Variants in SLC35F3 observed in about 807,000 individuals in gnomAD.
SLC35F3 encodes putative thiamine transporter SLC35F3.
SLC35F3 carries 25 observed loss-of-function variants against 49.9 expected under a neutral mutation model. The observed-to-expected ratio is 0.50, with a 90% CI of 0.37 to 0.70. The LOEUF (loss-of-function observed/expected upper bound fraction) is 0.70. Among genes scored for constraint, SLC35F3 ranks in the 30% least tolerant of loss-of-function variants. The pLI is 0.00. For missense variants in SLC35F3, 525 were observed against 639.8 expected (o/e 0.82, Z 1.94); for synonymous variants, 275 against 265.4 (o/e 1.04, Z -0.35).
intron 2 of SLC35F3, among the ~76,000 whole-genome samples, chr1:233,967,393 A>T (rs1379157018): frequency 6.6e-6 from 1 of 152,204 alleles, no homozygotes; most frequent in Non-Finnish European, 1.5e-5. Flanking sequence ...ATAAGAATTA[A>T]TTTTTAGCTA....
Position 233,955,978 on chromosome 1 carries a change from C to T in SLC35F3, c.283+50220C>T, listed in dbSNP as rs950445774. ...TCTCGGCTCACTGCAACTTCCACCT[C>T]CTGGGTTCAGGCTATTCTTCTGCCT... is the stretch of plus-strand genomic sequence containing the variant. On this transcript the variant is annotated intron_variant, in intron 2 of 7. Transcript: ENST00000366618. 2.7e-5 allele frequency among the ~76,000 whole-genome samples: 4 copies of T among 147,686 alleles called. 1 individual carries two copies. The South Asian group carries it at 8.7e-4, about 32-fold the overall frequency.
At chr1:233,932,095 G>A (rs977759911) in intron 2 of SLC35F3, among the ~76,000 whole-genome samples, 3 of 151,900 alleles carry the variant, frequency 2.0e-5, no homozygotes, top group African/African-American at 7.3e-5. Context: ...GGAACAATGA[G>A]AACACATGGA....
intron 3 of SLC35F3, among the ~76,000 whole-genome samples, chr1:234,287,882 T>C (rs1668447205): frequency 1.3e-5 from 2 of 152,224 alleles, no homozygotes; most frequent in African/African-American, 4.8e-5. Flanking sequence ...GAACTTGGAA[T>C]TGGTGGCGAA....
At position 234,320,330 on chromosome 1, in the gene SLC35F3, A is replaced by C; in HGVS notation, c.1237+143A>C. ...CACTCATGCATACACACACACACAC[A>C]TACTCTCACATACATACTCACATAT... On this transcript the variant is annotated intron_variant, in intron 7 of 7. Transcript: ENST00000366618. The surrounding 1 kb of genome is among the most constrained non-coding windows in gnomAD (Gnocchi z 4.8). 1.6e-6 allele frequency: 1 copy of C among 630,168 alleles called. No individual in the cohort carries two copies. Among genetic ancestry groups the C allele is most frequent in the Non-Finnish European group, 2.9e-6 (1 of 344,988 alleles). The allele number at this position is 630,168 out of a possible 1,614,324, so 39.0% of individuals were successfully genotyped here.
intron 2 of SLC35F3, among the ~76,000 whole-genome samples, chr1:233,924,577 A>G (rs897377820): frequency 3.3e-5 from 5 of 152,172 alleles, no homozygotes; most frequent in African/African-American, 7.2e-5. Flanking sequence ...TCTTTTCAAA[A>G]AACCAGCTGT....
intron 2 of SLC35F3, among the ~76,000 whole-genome samples, chr1:234,032,313 T>G (rs1164796267): frequency 6.6e-6 from 1 of 152,182 alleles, no homozygotes; most frequent in Non-Finnish European, 1.5e-5. Context: ...ATTATTGCTA[T>G]TCTTTCATGA....
At chr1:234,247,430 G>T (rs544176525) in intron 3 of SLC35F3, among the ~76,000 whole-genome samples, 1 of 152,180 alleles carries the variant, frequency 6.6e-6, no homozygotes, top group Non-Finnish European at 1.5e-5. Flanking sequence ...TGGGTTGGTT[G>T]GTTGGTCCAT....
chr1:234,116,219 G>A (rs1665484200), intron 2 of SLC35F3, among the ~76,000 whole-genome samples: 1 of 152,122 alleles, frequency 6.6e-6, no homozygotes, highest in Admixed American at 6.5e-5. Flanking sequence ...GGAGCAAAAG[G>A]GAAAGCAATT....
intron 2 of SLC35F3, among the ~76,000 whole-genome samples, chr1:234,166,268 C>T (rs543852449): frequency 6.6e-6 from 1 of 152,274 alleles, no homozygotes; most frequent in African/African-American, 2.4e-5. Context: ...CAACATCCCC[C>T]ACCAGAGCGG....
In SLC35F3 at chr1:234,318,899, A is replaced by T; in HGVS notation, c.1103A>T (p.Asp368Val). The change falls in exon 6 of 8, where the codon GAC (aspartate) becomes GTC (valine). Residue 368 changes from aspartate to valine, a missense_variant. Transcript: ENST00000366618. ...TKVEYWSSFD[D>V]IPWGNLCGFS... ...GTGGAATACTGGAGCTCTTTTGATG[A>T]CATTCCATGGGGAAACCTTTGTGGA... 2 of 1,614,080 alleles carry T rather than the reference A, an allele frequency of 1.2e-6. No homozygotes were observed. Among genetic ancestry groups the T allele is most frequent in the Non-Finnish European group, 1.7e-6 (2 of 1,180,002 alleles).
chr1:234,161,204 CTTG>C (rs1365375013), intron 2 of SLC35F3, among the ~76,000 whole-genome samples: 2 of 152,166 alleles, frequency 1.3e-5, no homozygotes, highest in South Asian at 2.1e-4. Context: ...AGTGTTTTCA[CTTG>C]TTGTCTCACT....
intron 3 of SLC35F3, among the ~76,000 whole-genome samples, chr1:234,246,288 C>G (rs1667629878): frequency 1.3e-5 from 2 of 152,134 alleles, no homozygotes; most frequent in East Asian, 3.9e-4. Context: ...AATCAGGACC[C>G]TGATTTACCC....
intron 3 of SLC35F3, among the ~76,000 whole-genome samples, chr1:234,239,251 A>C (rs1667517567): frequency 1.3e-5 from 2 of 152,330 alleles, no homozygotes; most frequent in South Asian, 4.1e-4. Context: ...AGGATCAGTT[A>C]ATCTTTGTGC....
At chr1:233,969,417 C>T (rs1014572760) in intron 2 of SLC35F3, among the ~76,000 whole-genome samples, 6 of 152,280 alleles carry the variant, frequency 3.9e-5, no homozygotes, top group Admixed American at 2.0e-4. Flanking sequence ...CTCATCTTAG[C>T]GCCTCCCATC....
At chr1:234,118,050 G>C (rs917025711) in intron 2 of SLC35F3, among the ~76,000 whole-genome samples, 4 of 151,620 alleles carry the variant, frequency 2.6e-5, no homozygotes, top group African/African-American at 9.7e-5. Flanking sequence ...CATTATGCCA[G>C]GATGTGATAA....
At chr1:234,140,612 C>T (rs1419605160) in intron 2 of SLC35F3, among the ~76,000 whole-genome samples, 6 of 152,178 alleles carry the variant, frequency 3.9e-5, no homozygotes, top group East Asian at 1.9e-4. Flanking sequence ...TCAATCTAGA[C>T]GCTTAGGCTT....
chr1:234,127,739 G>A (rs1665670481), intron 2 of SLC35F3, among the ~76,000 whole-genome samples: 2 of 152,134 alleles, frequency 1.3e-5, no homozygotes, highest in South Asian at 2.1e-4. Flanking sequence ...TTTCTTTGAA[G>A]GAAATAAATT....
chr1:233,923,689 A>G (rs914153009), intron 2 of SLC35F3, among the ~76,000 whole-genome samples: 1 of 152,148 alleles, frequency 6.6e-6, no homozygotes, highest in African/African-American at 2.4e-5. Flanking sequence ...ACTATGTTGA[A>G]TAGGAGTGGT....
rs931637957 is a variant in SLC35F3 at position 234,040,327 on chromosome 1, C to G, written c.283+134569C>G. On this transcript the variant is annotated intron_variant, in intron 2 of 7. Coordinates refer to ENST00000366618, the MANE Select transcript of SLC35F3 (RefSeq NM_173508.4). The stretch of plus-strand genomic sequence containing the variant: ...TCTTTATAGGCACAGAATGGGGGAG[C>G]AGGATGGGCAACATTTGATTTGTAA... Among the ~76,000 whole-genome samples, 3 of 152,222 alleles carry G rather than the reference C, an allele frequency of 2.0e-5. No individual in the cohort carries two copies. The South Asian group carries it at 6.2e-4, about 32-fold the overall frequency.
Sources: allele counts gnomAD v4.1 joint callset (sites outside exome capture counted in the v4.1 genomes callset), GRCh38; gene constraint gnomAD v4.1.1; non-coding constraint Gnocchi (gnomAD v3.1); transcripts MANE v1.5; gene names NCBI Gene and HGNC (gene_info 2026-07-23, HGNC 2026-07-21).